Variants in MYT1L observed in about 807,000 individuals in gnomAD.
MYT1L encodes the protein myelin transcription factor 1 like, also known as myelin transcription factor 1-like protein.
A neutral mutation model predicts 126.7 loss-of-function variants in MYT1L; 12 were observed. That is an observed-to-expected ratio of 0.09 (90% CI 0.06 to 0.15). MYT1L has a LOEUF of 0.15. MYT1L is among the 10% of genes least tolerant of loss of function. The pLI is 1.00. For missense variants in MYT1L, 979 were observed against 1,585.2 expected, an observed-to-expected ratio of 0.62 and a Z score of 6.49; for synonymous variants, 541 against 604.2, an observed-to-expected ratio of 0.90 and a Z score of 1.53.
At chr2:1,853,727 T>A (rs896374785) in intron 18 of MYT1L, among the ~76,000 whole-genome samples, 1 of 152,240 alleles carries the variant, frequency 6.6e-6, no homozygotes, top group Non-Finnish European at 1.5e-5. Flanking sequence ...ACATAGTGCA[T>A]GTTTATTTAA....
intron 4 of MYT1L, among the ~76,000 whole-genome samples, chr2:2,000,880 A>G (rs1006881448): frequency 6.6e-6 from 1 of 152,170 alleles, no homozygotes; most frequent in African/African-American, 2.4e-5. Context: ...CGTGGTGTTC[A>G]GGTTTATGAA....
rs550439552 is a variant in MYT1L at position 2,138,048 on chromosome 2, G to T, written c.-304+34824C>A. 9.3e-3 allele frequency among the ~76,000 whole-genome samples: 1,415 copies of T among 152,060 alleles called. 9 individuals are homozygous for T. Among genetic ancestry groups the T allele is most frequent in the Non-Finnish European group, 0.015 (1,044 of 67,926 alleles). On this transcript the variant is annotated intron_variant, in intron 3 of 24. Coordinates refer to ENST00000647738, the MANE Select transcript of MYT1L (RefSeq NM_001303052.2). ...GGCAAAGGACATGAACAGACACTTC[G>T]CAAAATAAGACATTTATGCAGCCAA...
intron 21 of MYT1L, among the ~76,000 whole-genome samples, chr2:1,820,035 G>A (rs1232170493): frequency 2.6e-5 from 4 of 152,060 alleles, no homozygotes; most frequent in African/African-American, 9.7e-5. Context: ...GGGCAGTGGG[G>A]GGGGGCCAGC....
rs760901038 is a variant in MYT1L at position 2,236,757 on chromosome 2, TTTCTTCTTCTTCTTCTTC to T, written c.-421+47629_-421+47646del. On this transcript the variant is annotated intron_variant, in intron 2 of 24. Transcript: ENST00000647738. Reference sequence around the variant, plus strand: ...ACTGGTGAAGACTCATTGGTTGTCCTTTCTTCTTCTTCTTCTTCTTCTTCTTCTTCTTCTTCTTCTTCT... The same window carrying T: ...ACTGGTGAAGACTCATTGGTTGTCCTTTCTTCTTCTTCTTCTTCTTCTTCT... Among the ~76,000 whole-genome samples the T allele has an allele frequency of 1.4e-3, 192 of 132,618 alleles. 1 individual carries two copies. Among genetic ancestry groups the T allele is most frequent in the Middle Eastern group, 4.0e-3 (1 of 252 alleles). 87.0% of individuals were successfully genotyped at this position (132,618 alleles called of 152,430 possible).
chr2:2,295,643 GAGAT>G (rs1365827040), intron 1 of MYT1L, among the ~76,000 whole-genome samples: 7 of 132,686 alleles, frequency 5.3e-5, no homozygotes, highest in East Asian at 2.4e-4. Context: ...GACAGAGAGA[GAGAT>G]AGAGAGACAG....
chr2:1,856,145 C>G (rs941381903), intron 18 of MYT1L, among the ~76,000 whole-genome samples: 37 of 152,220 alleles, frequency 2.4e-4, no homozygotes, highest in African/African-American at 8.0e-4. Flanking sequence ...CAGGGACGCT[C>G]AGAAGCATTT....
intron 1 of MYT1L, among the ~76,000 whole-genome samples, chr2:2,313,887 C>A (rs1282924723): frequency 6.6e-6 from 1 of 152,100 alleles, no homozygotes; most frequent in East Asian, 1.9e-4. Flanking sequence ...TGGGGCCCAA[C>A]CCTCACTCTA....
At chr2:1,958,510 C>T (rs1185207168) in intron 8 of MYT1L, among the ~76,000 whole-genome samples, 2 of 152,244 alleles carry the variant, frequency 1.3e-5, no homozygotes, top group African/African-American at 4.8e-5. Flanking sequence ...AAGGGCTCAT[C>T]AGATCCTCAA....
chr2:1,850,559 G>A (rs1486813318), intron 19 of MYT1L, among the ~76,000 whole-genome samples: 2 of 152,114 alleles, frequency 1.3e-5, no homozygotes, highest in African/African-American at 4.8e-5. Context: ...TGTTCACAAA[G>A]GTTTTCTTCT....
intron 5 of MYT1L, among the ~76,000 whole-genome samples, chr2:1,994,358 C>T: frequency 6.6e-6 from 1 of 151,560 alleles, no homozygotes; most frequent in South Asian, 2.1e-4. Flanking sequence ...CTGGGGGGCT[C>T]AGCCCTGGTT....
At chr2:1,978,182 A>G (rs1455174941) in intron 8 of MYT1L, among the ~76,000 whole-genome samples, 1 of 152,190 alleles carries the variant, frequency 6.6e-6, no homozygotes, top group Admixed American at 6.5e-5. Flanking sequence ...TCGTAAGCTA[A>G]TGTTTCACTA....
chr2:2,073,677 A>G (rs1384768884), intron 3 of MYT1L, among the ~76,000 whole-genome samples: 2 of 152,136 alleles, frequency 1.3e-5, no homozygotes, highest in Admixed American at 6.5e-5. Flanking sequence ...TGGACGTTGT[A>G]TGTCGGTGAC....
intron 2 of MYT1L, among the ~76,000 whole-genome samples, chr2:2,179,826 A>G (rs1279350738): frequency 6.6e-6 from 1 of 152,112 alleles, no homozygotes; most frequent in Non-Finnish European, 1.5e-5. Flanking sequence ...TCAAATATAA[A>G]CTATACTTCC....
At chr2:1,812,872 T>C (rs1476618943) in intron 21 of MYT1L, among the ~76,000 whole-genome samples, 1 of 110,774 alleles carries the variant, frequency 9.0e-6, no homozygotes, top group Admixed American at 9.4e-5. Context: ...CAGGACTCCG[T>C]CTCAAAAAAA....
At chr2:1,890,079 T>A (rs2048658698) in intron 15 of MYT1L, among the ~76,000 whole-genome samples, 1 of 152,044 alleles carries the variant, frequency 6.6e-6, no homozygotes, top group South Asian at 2.1e-4. Context: ...ATTTTTTTTT[T>A]TTTTTTGAGG....
intron 18 of MYT1L, among the ~76,000 whole-genome samples, chr2:1,877,609 A>G (rs2047069685): frequency 6.6e-6 from 1 of 152,132 alleles, no homozygotes; most frequent in Admixed American, 6.5e-5. Context: ...GCACTTGGCC[A>G]AGGGAGAGGG....
chr2:1,906,545 C>T (rs2051082209), intron 13 of MYT1L, among the ~76,000 whole-genome samples: 3 of 152,104 alleles, frequency 2.0e-5, no homozygotes, highest in South Asian at 4.2e-4. Context: ...CATATCTATA[C>T]TTTTATAGCA....
chr2:2,290,992 A>T (rs2149460530), intron 1 of MYT1L, among the ~76,000 whole-genome samples: 1 of 152,168 alleles, frequency 6.6e-6, no homozygotes, highest in South Asian at 2.1e-4. Flanking sequence ...AACATTGACA[A>T]CACCAGCCCA....
rs919270458 is a variant in MYT1L, at chr2:2,046,278, T to C, written c.-158+7700A>G. Among the ~76,000 whole-genome samples, 4 of 152,200 alleles carry C rather than the reference T, an allele frequency of 2.6e-5. No individual in the cohort carries two copies. The East Asian group carries it at 5.8e-4, about 22-fold the overall frequency. Reference sequence around the variant, plus strand: ...ATAATACACAAATCATAACATTACATGCATGGTTTTTTCACCCTGTACATT... The same window carrying C: ...ATAATACACAAATCATAACATTACACGCATGGTTTTTTCACCCTGTACATT... On this transcript the variant is annotated intron_variant, in intron 4 of 24. Coordinates refer to ENST00000647738, the MANE Select transcript of MYT1L (RefSeq NM_001303052.2).
Sources: allele counts gnomAD v4.1 joint callset (sites outside exome capture counted in the v4.1 genomes callset), GRCh38; gene constraint gnomAD v4.1.1; transcripts MANE v1.5; gene names NCBI Gene and HGNC (gene_info 2026-07-23, HGNC 2026-07-21).